The following ZGRF1 variants were observed in gnomAD, a reference collection of about 807,000 sequenced individuals.
ZGRF1 encodes the protein zinc finger GRF-type containing 1.
In ZGRF1, 196 loss-of-function variants were observed where a neutral mutation model predicts 203.5. The observed-to-expected ratio is 0.96, with a 90% CI of 0.86 to 1.08. The LOEUF (loss-of-function observed/expected upper bound fraction) is 1.08, where lower values mean the gene tolerates loss of function less well. Ranked by LOEUF, ZGRF1 falls within the 50% of genes least tolerant of loss-of-function variation. ZGRF1 has a pLI of 0.00. For synonymous variants in ZGRF1, 809 were observed against 841.3 expected (o/e 0.96, Z 0.66); for missense variants, 2,326 against 2,416.3 (o/e 0.96, Z 0.78).
intron 24 of ZGRF1, among the ~76,000 whole-genome samples, chr4:112,545,550 G>A (rs532993824): frequency 3.3e-5 from 5 of 152,210 alleles, no homozygotes; most frequent in South Asian, 2.1e-4. Flanking sequence ...AAATGACGCC[G>A]CTGCTATAGA....
intron 2 of ZGRF1, among the ~76,000 whole-genome samples, 162 bp downstream of exon 2, chr4:112,632,994 G>A (rs779834303): frequency 6.6e-6 from 1 of 152,170 alleles, no homozygotes; most frequent in Non-Finnish European, 1.5e-5. Flanking sequence ...TGCTAAAAAA[G>A]GTATGCATTG....
At chr4:112,563,409 A>G (rs989667250) in intron 16 of ZGRF1, 135 bp from the exon 17 acceptor site, 2 of 599,050 alleles carry the variant, frequency 3.3e-6, no homozygotes, top group Non-Finnish European at 5.4e-6. Flanking sequence ...TGAGAAGTAA[A>G]GTTCTGGAAA....
In ZGRF1 at chr4:112,541,251, T is replaced by G. The variant is rs769170441; in HGVS notation, c.5616A>C (p.Leu1872=). The G allele has an allele frequency of 3.2e-6, 5 of 1,572,316 alleles. No individual in the cohort carries two copies. In the Admixed American group the frequency reaches 8.8e-5, roughly 28 times the overall value. ...RLCLMGHKPI[L]LRTQYRCHPA... ...GATGACAACGGTATTGAGTTCTCAA[T>G]AGAATTGGCTTGTGACCCTAAGAAA... is the stretch of plus-strand genomic sequence containing the variant. The change falls in exon 25 of 28, where the codon CTA becomes CTC. Residue 1872 remains leucine, a synonymous_variant. Coordinates refer to ENST00000505019, the MANE Select transcript of ZGRF1 (RefSeq NM_018392.5).
intron 18 of ZGRF1, 101 bp from the exon 19 acceptor site, chr4:112,561,096 G>A: frequency 1.1e-6 from 1 of 920,756 alleles, no homozygotes; most frequent in Non-Finnish European, 1.7e-6. Flanking sequence ...AAGCATTACA[G>A]AGAACAGTTT....
At chr4:112,583,242 T>C (rs1285521459) in intron 15 of ZGRF1, among the ~76,000 whole-genome samples, 1 of 152,210 alleles carries the variant, frequency 6.6e-6, no homozygotes, top group Non-Finnish European at 1.5e-5. Flanking sequence ...ATATTTATTT[T>C]GAATAATCTA....
intron 1 of ZGRF1, 120 bp from the exon 2 acceptor site, chr4:112,633,362 C>A (rs1367394677): frequency 6.9e-6 from 4 of 580,650 alleles, no homozygotes; most frequent in Non-Finnish European, 1.2e-5. Context: ...TACCTAACTA[C>A]CAAGGGAAAC....
intron 16 of ZGRF1, among the ~76,000 whole-genome samples, chr4:112,574,430 ATTCATT>A (rs1306400420): frequency 1.3e-5 from 2 of 152,204 alleles, no homozygotes; most frequent in African/African-American, 4.8e-5. Flanking sequence ...CTCTTTAGGA[ATTCATT>A]TACATAAATC....
At chr4:112,563,072 G>C in intron 17 of ZGRF1, 59 bp downstream of exon 17, 1 of 1,406,502 alleles carries the variant, frequency 7.1e-7, no homozygotes, top group Non-Finnish European at 9.6e-7. Flanking sequence ...ATCAAACAGT[G>C]CATCTTATGT....
chr4:112,565,620 A>C (rs573324390), intron 16 of ZGRF1, among the ~76,000 whole-genome samples: 75 of 152,278 alleles, frequency 4.9e-4, no homozygotes, highest in African/African-American at 1.8e-3. Context: ...TAATATCCAG[A>C]ATCTACGATG....
chr4:112,573,952 G>A (rs1411345422), intron 16 of ZGRF1, among the ~76,000 whole-genome samples: 3 of 152,162 alleles, frequency 2.0e-5, no homozygotes, highest in South Asian at 4.1e-4. Flanking sequence ...AGAAGTGTGA[G>A]CTAAAACCAC....
chr4:112,631,867 A>C, intron 3 of ZGRF1, 63 bp downstream of exon 3: 1 of 800,326 alleles, frequency 1.2e-6, no homozygotes, highest in Admixed American at 2.7e-5. Context: ...CAGTTTTTTA[A>C]ATATTCAATC....
At chr4:112,591,368 A>G (rs1748134795) in intron 10 of ZGRF1, among the ~76,000 whole-genome samples, 1 of 152,234 alleles carries the variant, frequency 6.6e-6, no homozygotes, top group Non-Finnish European at 1.5e-5. Context: ...AGTAACAGGC[A>G]GTACTTACTG....
chr4:112,544,306 GA>G (rs1738306830), intron 24 of ZGRF1, among the ~76,000 whole-genome samples: 1 of 152,040 alleles, frequency 6.6e-6, no homozygotes, highest in Non-Finnish European at 1.5e-5. Context: ...CAACAGCAAA[GA>G]AAATTCAGCA....
At chr4:112,598,361 C>T (rs988191790) in intron 10 of ZGRF1, among the ~76,000 whole-genome samples, 9 of 151,918 alleles carry the variant, frequency 5.9e-5, no homozygotes, top group South Asian at 2.1e-4. Flanking sequence ...AATTATAAAC[C>T]GGAAAAACCC....
chr4:112,633,171 T>G lies in ZGRF1; in HGVS notation c.6A>C (p.Glu2Asp), dbSNP rs765994026. Residue 2 changes from glutamate (E) to aspartate (D), a missense_variant, in exon 2 of 28, where the codon GAA becomes GAC. Coordinates refer to ENST00000505019, the MANE Select transcript of ZGRF1 (RefSeq NM_018392.5). ...TAAAACTTACAATAAATTCTTGGCTTTCCATTATTTCTTCTGAAGTTATAA... is the reference window on the plus strand; with the variant it reads ...TAAAACTTACAATAAATTCTTGGCTGTCCATTATTTCTTCTGAAGTTATAA... M[E>D]SQEFIVLYTH... 6.2e-7 allele frequency: 1 copy of G among 1,609,818 alleles called. No homozygotes were observed. The highest frequency in any genetic ancestry group is 8.5e-7 in the Non-Finnish European group (1 of 1,176,762).
chr4:112,547,713 C>G (rs2148833135), intron 23 of ZGRF1, among the ~76,000 whole-genome samples: 1 of 152,264 alleles, frequency 6.6e-6, no homozygotes, highest in Middle Eastern at 3.4e-3. Flanking sequence ...AATCCATAAA[C>G]TCTTAAAATT....
chr4:112,600,672 T>C (rs371401771), intron 10 of ZGRF1, among the ~76,000 whole-genome samples: 114 of 152,210 alleles, frequency 7.5e-4, no homozygotes, highest in African/African-American at 2.4e-3. Flanking sequence ...AGGTAGGGCT[T>C]GCATGACTGA....
intron 16 of ZGRF1, chr4:112,564,883 C>T (rs907175370): frequency 1.9e-5 from 12 of 632,108 alleles, no homozygotes; most frequent in Admixed American, 1.7e-4. Context: ...GAATTGTGTT[C>T]GCAGCCGCCA....
chr4:112,586,612 G>T, intron 12 of ZGRF1, 29 bp from the exon 13 acceptor site: 1 of 1,545,570 alleles, frequency 6.5e-7, no homozygotes, highest in Admixed American at 1.9e-5. Context: ...AGTTATCATA[G>T]CAACTCCAGA....
Sources: allele counts gnomAD v4.1 joint callset (sites outside exome capture counted in the v4.1 genomes callset), GRCh38; gene constraint gnomAD v4.1.1; transcripts MANE v1.5; gene names NCBI Gene and HGNC (gene_info 2026-07-23, HGNC 2026-07-21).